ITPRID2: variants seen among roughly 807,000 people sequenced by gnomAD.
ITPRID2 encodes the protein ITPR interacting domain containing 2.
In ITPRID2, 60 loss-of-function variants were observed where a neutral mutation model predicts 124.3. The ratio of observed to expected loss-of-function variants is 0.48; its 90% confidence interval spans 0.39 to 0.60. The LOEUF is 0.60. ITPRID2 is among the 20% of genes least tolerant of loss of function. ITPRID2 has a pLI of 0.00. For synonymous variants in ITPRID2, 521 were observed against 542.9 expected (o/e 0.96, Z 0.56); for missense variants, 1,553 against 1,512.2 (o/e 1.03, Z -0.45).
Position 181,902,360 on chromosome 2 carries a change from A to G in ITPRID2, c.1307A>G (p.Lys436Arg). The G allele has an allele frequency of 6.2e-7, 1 of 1,614,024 alleles. No individual in the cohort carries two copies. Among genetic ancestry groups the G allele is most frequent in the East Asian group, 2.2e-5 (1 of 44,866 alleles). Residue 436 changes from lysine (K) to arginine (R), a missense_variant, in exon 8 of 18, where the codon AAA becomes AGA. Physicochemically the swap from Lys to Arg is conservative, Grantham distance 26. Transcript: ENST00000431877. The surrounding 1 kb of genome is among the most constrained non-coding windows in gnomAD (Gnocchi z 4.4). ...GAGCTGGAAAATAGCAGTGAGCTGAAAAGTGTCCATATATCCACACCTGAA... is the reference window on the plus strand; with the variant it reads ...GAGCTGGAAAATAGCAGTGAGCTGAGAAGTGTCCATATATCCACACCTGAA... ...HSELENSSEL[K>R]SVHISTPEKE...
In ITPRID2 at chr2:181,919,420, T is replaced by C; in HGVS notation, c.3118T>C (p.Ser1040Pro). ...EEQLRAVRMP[S>P]PFRSSALMGM... ...GCAGCTTCGTGCTGTGCGCATGCCTTCACCCTTCCGCTCCTCCGCACTCAT... is the reference window on the plus strand; with the variant it reads ...GCAGCTTCGTGCTGTGCGCATGCCTCCACCCTTCCGCTCCTCCGCACTCAT... The change falls in exon 14 of 18, where the codon TCA becomes CCA. Residue 1040 changes from serine to proline, a missense_variant. Ser to Pro is a moderately conservative substitution (Grantham distance 74, BLOSUM62 -1). Transcript: ENST00000431877. The surrounding 1 kb of genome is among the most constrained non-coding windows in gnomAD (Gnocchi z 4.2). 6.2e-7 allele frequency: 1 copy of C among 1,608,214 alleles called. No individual in the cohort carries two copies. Among genetic ancestry groups the C allele is most frequent in the Non-Finnish European group, 8.5e-7 (1 of 1,177,330 alleles).
intron 10 of ITPRID2, 72 bp downstream of exon 10, chr2:181,914,005 AT>A: frequency 2.2e-6 from 2 of 929,234 alleles, no homozygotes; most frequent in South Asian, 3.1e-5. Flanking sequence ...ATTACTATAT[AT>A]TTTAATATTG....
Position 181,892,963 on chromosome 2 carries a change from A to C in ITPRID2, c.257+303A>C. 1 of 480,958 alleles carries C rather than the reference A, an allele frequency of 2.1e-6. No homozygotes were observed. The highest frequency in any genetic ancestry group is 3.3e-5 in the Admixed American group (1 of 29,898). 29.8% of individuals were successfully genotyped at this position (480,958 alleles called of 1,614,324 possible). A position where few individuals can be genotyped will look rare whatever the true frequency, so the allele number is the denominator to read the frequency against. Reference sequence around the variant, plus strand: ...CCATATTTGTTCTGTTTTTATTTGAAAGAATTCTCACATCTCGAACAGGAT... The same window carrying C: ...CCATATTTGTTCTGTTTTTATTTGACAGAATTCTCACATCTCGAACAGGAT... On this transcript the variant is annotated intron_variant, in intron 2 of 17. Transcript: ENST00000431877. The surrounding 1 kb of genome is among the most constrained non-coding windows in gnomAD (Gnocchi z 5.2).
intron 16 of ITPRID2, among the ~76,000 whole-genome samples, chr2:181,926,098 A>AC (rs1267888612): frequency 4.6e-5 from 7 of 151,710 alleles, no homozygotes; most frequent in African/African-American, 1.5e-4. Flanking sequence ...ACATGGTGAA[A>AC]CCCCATCTCT....
Position 181,916,199 on chromosome 2 carries a change from G to T in ITPRID2, c.2559G>T (p.Trp853Cys), listed in dbSNP as rs375108683. 2 of 1,614,042 alleles carry T rather than the reference G, an allele frequency of 1.2e-6. No homozygotes were observed. Among genetic ancestry groups the T allele is most frequent in the African/African-American group, 1.3e-5 (1 of 74,904 alleles). Residue 853 changes from tryptophan (W) to cysteine (C), a missense_variant, in exon 11 of 18, where the codon TGG becomes TGT. Physicochemically the swap from Trp to Cys is radical, Grantham distance 215. Coordinates refer to ENST00000431877, the MANE Select transcript of ITPRID2 (RefSeq NM_001130445.3). Reference sequence around the variant, plus strand: ...CCCTTCATTCCATCCACTCTGAGTGGCAAGAAAGGCCCCTGTGTGAGCACA... The same window carrying T: ...CCCTTCATTCCATCCACTCTGAGTGTCAAGAAAGGCCCCTGTGTGAGCACA... ...TCSLHSIHSE[W>C]QERPLCEHTR...
At chr2:181,900,135 C>T (rs776312109) in intron 6 of ITPRID2, among the ~76,000 whole-genome samples, 2 of 152,178 alleles carry the variant, frequency 1.3e-5, no homozygotes, top group Non-Finnish European at 2.9e-5. Flanking sequence ...AACCCACACT[C>T]TCTGTACCTT....
intron 10 of ITPRID2, 22 bp from the exon 11 acceptor site, chr2:181,915,194 T>C: frequency 1.2e-6 from 2 of 1,600,068 alleles, no homozygotes; most frequent in East Asian, 2.2e-5. Context: ...TCTTCATCTT[T>C]CCACCTATTT....
Position 181,913,902 on chromosome 2 carries a change from C to A in ITPRID2, c.1544C>A (p.Ser515Tyr). 1.2e-6 allele frequency: 2 copies of A among 1,613,372 alleles called. No individual in the cohort carries two copies. Among genetic ancestry groups the A allele is most frequent in the Non-Finnish European group, 1.7e-6 (2 of 1,179,706 alleles). The change falls in exon 10 of 18, where the codon TCT becomes TAT. Residue 515 changes from serine to tyrosine, a missense_variant. Coordinates refer to ENST00000431877, the MANE Select transcript of ITPRID2 (RefSeq NM_001130445.3). Reference protein sequence around the residue: ...HSDSSGFAEDSTDCLSLNHLQ... With the variant: ...HSDSSGFAEDYTDCLSLNHLQ... The stretch of plus-strand genomic sequence containing the variant: ...GATAGCAGTGGTTTTGCTGAAGATT[C>A]TACAGACTGCCTATCCCTTAATCAT...
In ITPRID2 at chr2:181,905,934, T is replaced by C. The variant is rs1574239345; in HGVS notation, c.1413+3468T>C. On this transcript the variant is annotated intron_variant, in intron 8 of 17. Transcript: ENST00000431877. The surrounding 1 kb of genome is among the most constrained non-coding windows in gnomAD (Gnocchi z 4.1). ...GCCCTGGAATATGAACTCTAACATA[T>C]GACATGCACAGATATCTGCTACTCT... Among the ~76,000 whole-genome samples, 2 of 152,342 alleles carry C rather than the reference T, an allele frequency of 1.3e-5. No individual in the cohort carries two copies. Among genetic ancestry groups the C allele is most frequent in the Admixed American group, 6.5e-5 (1 of 15,298 alleles).
rs1286393084 is a variant in ITPRID2, at chr2:181,907,108, G to T, written c.1414-2791G>T. Among the ~76,000 whole-genome samples, 1 of 152,154 alleles carries T rather than the reference G, an allele frequency of 6.6e-6. No homozygotes were observed. Among genetic ancestry groups the T allele is most frequent in the Non-Finnish European group, 1.5e-5 (1 of 68,032 alleles). The stretch of plus-strand genomic sequence containing the variant: ...AGTCTCTTTTTAAACTTTAGAGGAA[G>T]GGTTATTTGAGTTAGAACATCCATG... On this transcript the variant is annotated intron_variant, in intron 8 of 17. Coordinates refer to ENST00000431877, the MANE Select transcript of ITPRID2 (RefSeq NM_001130445.3). This position sits in a 1 kb window ranked among gnomAD's most constrained non-coding sequence, Gnocchi z 5.1.
In ITPRID2 at chr2:181,915,397, C is replaced by T. The variant is rs930810769; in HGVS notation, c.1757C>T (p.Ala586Val). Residue 586 changes from alanine to valine, a missense_variant, in exon 11 of 18, where the codon GCA becomes GTA. Physicochemically the swap from Ala to Val is moderately conservative, Grantham distance 64. Coordinates refer to ENST00000431877, the MANE Select transcript of ITPRID2 (RefSeq NM_001130445.3). The stretch of plus-strand genomic sequence containing the variant: ...GGACTAGAGAAGGCAGCAGCAGTTG[C>T]AGACAAAAGAAAATCAGGTAGCCAG... ...QKGLEKAAAVADKRKSGSQDF... is the reference protein window; with the variant it reads ...QKGLEKAAAVVDKRKSGSQDF... 2 of 1,613,988 alleles carry T rather than the reference C, an allele frequency of 1.2e-6. No individual in the cohort carries two copies. Among genetic ancestry groups the T allele is most frequent in the African/African-American group, 1.3e-5 (1 of 74,884 alleles).
In ITPRID2 at chr2:181,921,397, G is replaced by A. The variant is rs113217622; in HGVS notation, c.3211-551G>A. Among the ~76,000 whole-genome samples the A allele has an allele frequency of 4.8e-3, 734 of 151,984 alleles. 10 individuals carry two copies. Among genetic ancestry groups the A allele is most frequent in the African/African-American group, 0.015 (609 of 41,448 alleles). The stretch of plus-strand genomic sequence containing the variant: ...GGAGGCTGAGGCAGGAGACTTGCTT[G>A]AACCCGGGAGGCGGAGGTTGCAGTG... On this transcript the variant is annotated intron_variant, in intron 15 of 17. Coordinates refer to ENST00000431877, the MANE Select transcript of ITPRID2 (RefSeq NM_001130445.3).
Position 181,926,091 on chromosome 2 carries a change from T to C in ITPRID2, c.3676-2070T>C, listed in dbSNP as rs574876589. On this transcript the variant is annotated intron_variant, in intron 16 of 17. Coordinates refer to ENST00000431877, the MANE Select transcript of ITPRID2 (RefSeq NM_001130445.3). ...GAGTTCGAGACCAGCCTGGCCAACATGGTGAAACCCCATCTCTACTAAAAA... is the reference window on the plus strand; with the variant it reads ...GAGTTCGAGACCAGCCTGGCCAACACGGTGAAACCCCATCTCTACTAAAAA... Among the ~76,000 whole-genome samples, 84 of 151,642 alleles carry C rather than the reference T, an allele frequency of 5.5e-4. 1 individual carries two copies. The highest frequency in any genetic ancestry group is 3.0e-3 in the Admixed American group (45 of 15,236).
Position 181,915,978 on chromosome 2 carries a change from G to C in ITPRID2, c.2338G>C (p.Glu780Gln), listed in dbSNP as rs766949389. ...CACCTATAAGTACACACCTGAAGAG[G>C]AGCAGGAATTGGAAAAGCGGGTGAT... is the stretch of plus-strand genomic sequence containing the variant. ...SFTYKYTPEE[E>Q]QELEKRVMEH... Residue 780 changes from glutamate (E) to glutamine (Q), a missense_variant, in exon 11 of 18, where the codon GAG becomes CAG. Transcript: ENST00000431877. The C allele has an allele frequency of 6.2e-7, 1 of 1,614,180 alleles. No individual in the cohort carries two copies. The highest frequency in any genetic ancestry group is 1.1e-5 in the South Asian group (1 of 91,080).
rs528000199 is a variant in ITPRID2, at chr2:181,902,515, A to C, written c.1413+49A>C. 6.4e-5 allele frequency: 85 copies of C among 1,336,672 alleles called. No individual in the cohort carries two copies. In the African/African-American group the frequency reaches 1.1e-3, roughly 17 times the overall value. The allele number at this position is 1,336,672 out of a possible 1,614,324, so 82.8% of individuals were successfully genotyped here. On this transcript the variant is annotated intron_variant, in intron 8 of 17. Coordinates refer to ENST00000431877, the MANE Select transcript of ITPRID2 (RefSeq NM_001130445.3). The surrounding 1 kb of genome is among the most constrained non-coding windows in gnomAD (Gnocchi z 4.4). ...GGTTTCAAGTTGCAGACTAGGAAAA[A>C]AAGTACCAAAAATGCTTATAAAATG... is the stretch of plus-strand genomic sequence containing the variant.
rs535992906 is a variant in ITPRID2, at chr2:181,919,872, C to A, written c.3144+426C>A. ...TTAAACTTTTTCTTTATTTTGGATTCTTTTCCATTTGTTTTTAAAGGAATC... is the reference window on the plus strand; with the variant it reads ...TTAAACTTTTTCTTTATTTTGGATTATTTTCCATTTGTTTTTAAAGGAATC... On this transcript the variant is annotated intron_variant, in intron 14 of 17. Coordinates refer to ENST00000431877, the MANE Select transcript of ITPRID2 (RefSeq NM_001130445.3). The surrounding 1 kb of genome is among the most constrained non-coding windows in gnomAD (Gnocchi z 4.2). Among the ~76,000 whole-genome samples, 1 of 150,694 alleles carries A rather than the reference C, an allele frequency of 6.6e-6. No individual in the cohort carries two copies. The highest frequency in any genetic ancestry group is 6.6e-5 in the Admixed American group (1 of 15,152).
rs931377759 is a variant in ITPRID2 at position 181,910,369 on chromosome 2, T to C, written c.1486+398T>C. The C allele has an allele frequency of 1.2e-5, 6 of 505,008 alleles. No individual in the cohort carries two copies. The highest frequency in any genetic ancestry group is 9.9e-5 in the African/African-American group (5 of 50,382). The allele number at this position is 505,008 out of a possible 1,614,324, so 31.3% of individuals were successfully genotyped here. A position where few individuals can be genotyped will look rare whatever the true frequency, so the allele number is the denominator to read the frequency against. On this transcript the variant is annotated intron_variant, in intron 9 of 17. Transcript: ENST00000431877. This position sits in a 1 kb window ranked among gnomAD's most constrained non-coding sequence, Gnocchi z 4.1. ...AAATATAGCTCCTAGGTATAACACA[T>C]GAATATTCCTCTAGCAAAACCCACC... is the stretch of plus-strand genomic sequence containing the variant.
At chr2:181,906,667 C>T (rs1198217218) in intron 8 of ITPRID2, among the ~76,000 whole-genome samples, 1 of 151,790 alleles carries the variant, frequency 6.6e-6, no homozygotes, top group African/African-American at 2.4e-5. Context: ...TGAGCCCAGG[C>T]AGTTGAGGCT....
At chr2:181,898,952 A>C in intron 5 of ITPRID2, 33 bp downstream of exon 5, 1 of 1,601,766 alleles carries the variant, frequency 6.2e-7, no homozygotes. Flanking sequence ...TTCTTTTAAA[A>C]AATGAAGACC....
Sources: gnomAD v4.1 joint callset for allele counts (sites outside exome capture counted in the v4.1 genomes callset) on GRCh38, gnomAD v4.1.1 for gene constraint, Gnocchi (gnomAD v3.1) non-coding constraint, MANE v1.5 for transcripts, NCBI Gene and HGNC (gene_info 2026-07-23, HGNC 2026-07-21) for gene names.